NAALADL2: variants seen among roughly 807,000 people sequenced by gnomAD.
NAALADL2 encodes N-acetylated alpha-linked acidic dipeptidase like 2, also known as inactive N-acetylated-alpha-linked acidic dipeptidase-like protein 2.
NAALADL2 carries 76 observed loss-of-function variants against 87.2 expected under a neutral mutation model. That is an observed-to-expected ratio of 0.87 (90% CI 0.72 to 1.05). The LOEUF (loss-of-function observed/expected upper bound fraction) is 1.05, where lower values mean the gene tolerates loss of function less well. Among genes scored for constraint, NAALADL2 ranks in the 50% least tolerant of loss-of-function variants. NAALADL2 has a pLI of 0.00. For synonymous variants in NAALADL2, 354 were observed against 331.0 expected, an observed-to-expected ratio of 1.07 and a Z score of -0.75; for missense variants, 1,089 against 945.8, an observed-to-expected ratio of 1.15 and a Z score of -1.99.
At chr3:175,485,413 C>G (rs1361549282) in intron 9 of NAALADL2, among the ~76,000 whole-genome samples, 1 of 152,048 alleles carries the variant, frequency 6.6e-6, no homozygotes, top group Non-Finnish European at 1.5e-5. Context: ...GGTATTAGTC[C>G]CACAATAGGC....
intron 11 of NAALADL2, among the ~76,000 whole-genome samples, chr3:175,670,629 A>T (rs1314145416): frequency 1.3e-5 from 2 of 148,436 alleles, no homozygotes; most frequent in Non-Finnish European, 3.0e-5. Flanking sequence ...AATTAAATTT[A>T]TACATTTTCC....
intron 13 of NAALADL2, among the ~76,000 whole-genome samples, chr3:175,800,661 T>C (rs979041669): frequency 5.3e-5 from 8 of 152,150 alleles, no homozygotes; most frequent in African/African-American, 1.9e-4. Context: ...ATAAGCTGAA[T>C]TGATATACCT....
intron 9 of NAALADL2, among the ~76,000 whole-genome samples, chr3:175,524,739 C>T (rs1438230925): frequency 2.6e-5 from 4 of 152,060 alleles, no homozygotes; most frequent in African/African-American, 9.7e-5. Flanking sequence ...AAGATATAAA[C>T]ATGAATATAA....
chr3:174,982,843 G>C (rs777211358), intron 1 of NAALADL2, among the ~76,000 whole-genome samples: 1 of 152,000 alleles, frequency 6.6e-6, no homozygotes, highest in Non-Finnish European at 1.5e-5. Flanking sequence ...TGTTGCCCAG[G>C]CTGAAGTACA....
chr3:174,528,611 G>A (rs886872017), intron 1 of NAALADL2, among the ~76,000 whole-genome samples: 4 of 152,148 alleles, frequency 2.6e-5, no homozygotes, highest in African/African-American at 9.7e-5. Context: ...GGGTGTATTA[G>A]TTTTCACACT....
At chr3:174,474,176 C>T (rs1326255811) in intron 1 of NAALADL2, among the ~76,000 whole-genome samples, 1 of 152,164 alleles carries the variant, frequency 6.6e-6, no homozygotes, top group Non-Finnish European at 1.5e-5. Flanking sequence ...CATCTTTTCA[C>T]TATTCAGCTT....
intron 3 of NAALADL2, among the ~76,000 whole-genome samples, chr3:174,759,596 A>G (rs1022822623): frequency 1.3e-5 from 2 of 152,228 alleles, no homozygotes; most frequent in African/African-American, 2.4e-5. Context: ...TTCAATTAAA[A>G]TATTTATCTT....
At chr3:174,843,635 T>C (rs1724265223) in intron 3 of NAALADL2, among the ~76,000 whole-genome samples, 1 of 152,182 alleles carries the variant, frequency 6.6e-6, no homozygotes, top group African/African-American at 2.4e-5. Flanking sequence ...CATAGTGCTC[T>C]ATTAATCTGT....
chr3:174,498,210 G>C (rs1204627288), intron 1 of NAALADL2, among the ~76,000 whole-genome samples: 1 of 151,914 alleles, frequency 6.6e-6, no homozygotes, highest in Admixed American at 6.6e-5. Flanking sequence ...CCTTCCCCTA[G>C]TTCCTAGGCA....
chr3:175,221,331 A>G (rs1182472136), intron 2 of NAALADL2, among the ~76,000 whole-genome samples: 1 of 151,952 alleles, frequency 6.6e-6, no homozygotes, highest in Admixed American at 6.6e-5. Context: ...ACTTAATTCC[A>G]TTGAGTTCAT....
chr3:175,404,204 T>C (rs1244865754), intron 5 of NAALADL2, among the ~76,000 whole-genome samples: 1 of 152,118 alleles, frequency 6.6e-6, no homozygotes, highest in Non-Finnish European at 1.5e-5. Flanking sequence ...AGTACTTGCT[T>C]TGGAGCCAGA....
chr3:175,312,153 A>G (rs1292775542), intron 4 of NAALADL2, among the ~76,000 whole-genome samples: 1 of 152,212 alleles, frequency 6.6e-6, no homozygotes, highest in Admixed American at 6.6e-5. Flanking sequence ...TGGCAAACCT[A>G]TTAATAGAAA....
intron 2 of NAALADL2, among the ~76,000 whole-genome samples, chr3:174,623,799 A>T (rs922220452): frequency 6.6e-6 from 1 of 152,130 alleles, no homozygotes; most frequent in Non-Finnish European, 1.5e-5. Context: ...GAAACCACAT[A>T]GATTCAGAAA....
intron 2 of NAALADL2, among the ~76,000 whole-genome samples, chr3:174,667,270 C>T (rs1052525602): frequency 6.6e-6 from 1 of 152,074 alleles, no homozygotes; most frequent in African/African-American, 2.4e-5. Flanking sequence ...GTCCAATTAA[C>T]AAGAGCGAGG....
intron 2 of NAALADL2, among the ~76,000 whole-genome samples, chr3:174,707,327 C>T (rs1211549080): frequency 6.6e-6 from 1 of 152,094 alleles, no homozygotes; most frequent in Non-Finnish European, 1.5e-5. Flanking sequence ...AACCATGCTG[C>T]TATAAAGACA....
chr3:174,477,052 G>T (rs371532329), intron 1 of NAALADL2, among the ~76,000 whole-genome samples: 1 of 151,524 alleles, frequency 6.6e-6, no homozygotes, highest in African/African-American at 2.4e-5. Context: ...AGGTGAGATC[G>T]CACCATTGCA....
At chr3:175,802,926 T>C (rs1424619467) in intron 13 of NAALADL2, 79 bp from the exon 14 acceptor site, 8 of 897,742 alleles carry the variant, frequency 8.9e-6, no homozygotes, top group Non-Finnish European at 1.4e-5. Context: ...TCACTGACTC[T>C]TAGAAATATT....
intron 11 of NAALADL2, among the ~76,000 whole-genome samples, chr3:175,644,941 T>G (rs1729793763): frequency 6.6e-6 from 1 of 152,188 alleles, no homozygotes; most frequent in Non-Finnish European, 1.5e-5. Flanking sequence ...AATATCCTTA[T>G]AAGTCATCCT....
intron 1 of NAALADL2, among the ~76,000 whole-genome samples, chr3:174,883,814 T>C (rs78270571): frequency 0.041 from 6,253 of 152,208 alleles, 399 homozygotes; most frequent in African/African-American, 0.14. Context: ...GGTCTGGGTC[T>C]TTTGTAGTCC....
Sources: gnomAD v4.1 joint callset for allele counts (sites outside exome capture counted in the v4.1 genomes callset) on GRCh38, gnomAD v4.1.1 for gene constraint, MANE v1.5 for transcripts, NCBI Gene and HGNC (gene_info 2026-07-23, HGNC 2026-07-21) for gene names.